Variants in NUTM1 observed in about 807,000 individuals in gnomAD.
NUTM1 encodes NUT family member 1.
A neutral mutation model predicts 88.7 loss-of-function variants in NUTM1; 39 were observed. The ratio of observed to expected loss-of-function variants is 0.44; its 90% CI spans 0.34 to 0.57. The LOEUF is 0.57. Among genes scored for constraint, NUTM1 ranks in the 20% least tolerant of loss-of-function variants. The pLI is 0.01. For missense variants in NUTM1, 1,350 were observed against 1,414.5 expected, an observed-to-expected ratio of 0.95 and a Z score of 0.73; for synonymous variants, 494 against 538.0, an observed-to-expected ratio of 0.92 and a Z score of 1.13.
Position 34,357,212 on chromosome 15 carries a change from C to A in NUTM1, c.3204C>A (p.His1068Gln). 1 of 1,614,192 alleles carries A rather than the reference C, an allele frequency of 6.2e-7. No individual in the cohort carries two copies. The highest frequency in any genetic ancestry group is 8.5e-7 in the Non-Finnish European group (1 of 1,180,036). Residue 1068 changes from histidine (H) to glutamine (Q), a missense_variant, in exon 8 of 8, where the codon CAC (histidine) becomes CAA (glutamine). Physicochemically the swap from His to Gln is conservative, Grantham distance 24. This residue lies in a region of NUTM1 where 730 missense variants were observed against 728.8 expected (regional missense o/e 1.00). Coordinates refer to ENST00000537011, the MANE Select transcript of NUTM1 (RefSeq NM_001284292.2). ...LSPREHPLSPHHASGGQGSQR... is the reference protein window; with the variant it reads ...LSPREHPLSPQHASGGQGSQR... ...CAAGGGAGCATCCCCTCAGTCCTCA[C>A]CATGCCTCAGGAGGTCAGGGCAGCC...
rs1890822049 is a variant in NUTM1, at chr15:34,356,786, A to G, written c.2778A>G (p.Ile926Met). The G allele has an allele frequency of 6.2e-7, 1 of 1,612,016 alleles. No homozygotes were observed. The highest frequency in any genetic ancestry group is 8.5e-7 in the Non-Finnish European group (1 of 1,179,584). ...CCTTTTCTCCTCTGTTGGAAACCAT[A>G]GAACCTGTCAACATACTAGATGTTA... ...GNSFSPLLET[I>M]EPVNILDVKD... The change falls in exon 8 of 8, where the codon ATA becomes ATG. Residue 926 changes from isoleucine to methionine, a missense_variant. Physicochemically the swap from Ile to Met is conservative, Grantham distance 10. This residue lies in a region of NUTM1 where 730 missense variants were observed against 728.8 expected (regional missense o/e 1.00). Coordinates refer to ENST00000537011, the MANE Select transcript of NUTM1 (RefSeq NM_001284292.2).
chr15:34,356,954 G>A lies in NUTM1; in HGVS notation c.2946G>A (p.Glu982=), dbSNP rs1890827408. Residue 982 remains glutamate (E), a synonymous_variant, in exon 8 of 8, where the codon GAG becomes GAA. Transcript: ENST00000537011. The stretch of plus-strand genomic sequence containing the variant: ...TTGCTCCTTTACAAGAGAGTCAGGA[G>A]TCTTACACAACTGGGACTCCCAAAG... ...KNLAPLQESQ[E]SYTTGTPKAT... 1 of 1,613,778 alleles carries A rather than the reference G, an allele frequency of 6.2e-7. No homozygotes were observed. The highest frequency in any genetic ancestry group is 1.3e-5 in the African/African-American group (1 of 74,802).
chr15:34,354,409 T>C, intron 5 of NUTM1, 37 bp from the exon 6 acceptor site: 1 of 1,603,164 alleles, frequency 6.2e-7, no homozygotes, highest in Non-Finnish European at 8.5e-7. Flanking sequence ...GTGGTTTCTG[T>C]GCTACTTCCC....
At chr15:34,346,117 T>A in intron 2 of NUTM1, 82 bp downstream of exon 2, 1 of 1,391,844 alleles carries the variant, frequency 7.2e-7, no homozygotes. Context: ...CCTAAAGGAA[T>A]GTGAGGTGCT....
rs746450469 is a variant in NUTM1 at position 34,357,517 on chromosome 15, C to T, written c.*26C>T. 1.9e-6 allele frequency: 3 copies of T among 1,612,366 alleles called. No individual in the cohort carries two copies. The highest frequency in any genetic ancestry group is 1.1e-5 in the South Asian group (1 of 90,870). ...GGAGCAGCGGGACCATCTGACCCCA[C>T]TTGCCAGTCCCTAAAGGTGGGTGCC... On this transcript the variant is annotated 3_prime_UTR_variant, in exon 8 of 8. Coordinates refer to ENST00000537011, the MANE Select transcript of NUTM1 (RefSeq NM_001284292.2).
At chr15:34,351,643 G>A (rs191787737) in intron 4 of NUTM1, among the ~76,000 whole-genome samples, 2 of 152,246 alleles carry the variant, frequency 1.3e-5, no homozygotes, top group African/African-American at 4.8e-5. Flanking sequence ...CAATGAGGAG[G>A]TGTGCTCTAC....
chr15:34,344,996 T>C (rs1187757727), intron 1 of NUTM1, among the ~76,000 whole-genome samples: 3 of 151,800 alleles, frequency 2.0e-5, no homozygotes, highest in Non-Finnish European at 4.4e-5. Context: ...ACAGCCTGGG[T>C]GACAGAGCGA....
chr15:34,351,352 A>C (rs1890705916), intron 4 of NUTM1, among the ~76,000 whole-genome samples: 1 of 148,166 alleles, frequency 6.7e-6, no homozygotes, highest in Non-Finnish European at 1.5e-5. Context: ...GTTCAAGACC[A>C]GCCTGGACAA....
intron 3 of NUTM1, among the ~76,000 whole-genome samples, chr15:34,350,371 T>G (rs1890682769): frequency 6.6e-6 from 1 of 152,260 alleles, no homozygotes; most frequent in Admixed American, 6.5e-5. Flanking sequence ...TCCCATTCAT[T>G]TAATAACGCG....
At chr15:34,345,786 T>G in intron 1 of NUTM1, 156 bp from the exon 2 acceptor site, 1 of 1,068,154 alleles carries the variant, frequency 9.4e-7, no homozygotes, top group Non-Finnish European at 1.3e-6. Context: ...TTTTCATACT[T>G]ACTAGAACCC....
rs1890782652 is a variant in NUTM1, at chr15:34,355,385, T to C, written c.1480-103T>C. 8.7e-7 allele frequency: 1 copy of C among 1,153,492 alleles called. No homozygotes were observed. The highest frequency in any genetic ancestry group is 1.3e-6 in the Non-Finnish European group (1 of 789,222). The allele number at this position is 1,153,492 out of a possible 1,614,324, so 71.5% of individuals were successfully genotyped here. On this transcript the variant is annotated intron_variant, in intron 7 of 7. Coordinates refer to ENST00000537011, the MANE Select transcript of NUTM1 (RefSeq NM_001284292.2). This position sits in a 1 kb window ranked among gnomAD's most constrained non-coding sequence, Gnocchi z 4.3. ...TCTTTGCTACCATCGCTTAAACTAC[T>C]TGCTTGCCTTCCTTGCCCTGCCCAA... is the stretch of plus-strand genomic sequence containing the variant.
At position 34,348,013 on chromosome 15, in the gene NUTM1, G is replaced by A. The variant is rs1216220737; in HGVS notation, c.145G>A (p.Ala49Thr). ...GGATATGAGCATGAAACCTAGTGCC[G>A]CCCCGTCTCCATCCCCTGCACTTCC... ...GPDMSMKPSA[A>T]PSPSPALPFL... is the part of the protein sequence containing the mutation. The change falls in exon 3 of 8, where the codon GCC (alanine) becomes ACC (threonine). Residue 49 changes from alanine to threonine, a missense_variant. Around this residue, in one of 5 missense-constraint regions of NUTM1, gnomAD observed 399 missense variants for 397.9 expected, o/e 1.00. Transcript: ENST00000537011. 11 of 1,613,322 alleles carry A rather than the reference G, an allele frequency of 6.8e-6. No individual in the cohort carries two copies. Among genetic ancestry groups the A allele is most frequent in the East Asian group, 4.5e-5 (2 of 44,870 alleles).
intron 3 of NUTM1, among the ~76,000 whole-genome samples, chr15:34,350,379 G>A (rs966233889): frequency 2.0e-5 from 3 of 152,192 alleles, no homozygotes; most frequent in South Asian, 2.1e-4. Flanking sequence ...ATTTAATAAC[G>A]CGAGTCCTCC....
rs147664190 is a variant in NUTM1, at chr15:34,355,112, A to G, written c.1454A>G (p.Gln485Arg). The G allele has an allele frequency of 3.3e-4, 540 of 1,612,186 alleles. No individual in the cohort carries two copies. Among genetic ancestry groups the G allele is most frequent in the East Asian group, 3.8e-4 (17 of 44,892 alleles). ...DPLALIEELEQEEGLTLAQLV... is the reference protein window; with the variant it reads ...DPLALIEELEREEGLTLAQLV... ...TTGGCCTTAATTGAGGAGCTAGAGC[A>G]AGAAGAAGGACTCACTCTTGCCCAG... The change falls in exon 7 of 8, where the codon CAA (glutamine) becomes CGA (arginine). Residue 485 changes from glutamine (Q) to arginine (R), a missense_variant. Coordinates refer to ENST00000537011, the MANE Select transcript of NUTM1 (RefSeq NM_001284292.2). This position sits in a 1 kb window ranked among gnomAD's most constrained non-coding sequence, Gnocchi z 4.3.
Position 34,348,007 on chromosome 15 carries a change from A to G in NUTM1, c.139A>G (p.Ser47Gly), listed in dbSNP as rs1595608905. 1 of 1,613,294 alleles carries G rather than the reference A, an allele frequency of 6.2e-7. No individual in the cohort carries two copies. The highest frequency in any genetic ancestry group is 8.5e-7 in the Non-Finnish European group (1 of 1,179,622). ...GGGACCGGATATGAGCATGAAACCT[A>G]GTGCCGCCCCGTCTCCATCCCCTGC... Reference protein sequence around the residue: ...LPGPDMSMKPSAAPSPSPALP... With the variant: ...LPGPDMSMKPGAAPSPSPALP... Residue 47 changes from serine (S) to glycine (G), a missense_variant, in exon 3 of 8, where the codon AGT (serine) becomes GGT (glycine). By Grantham distance (56) the Ser-to-Gly change is moderately conservative. Around this residue, in one of 5 missense-constraint regions of NUTM1, gnomAD observed 399 missense variants for 397.9 expected, o/e 1.00. Transcript: ENST00000537011.
At chr15:34,352,724 T>G (rs895665933) in intron 4 of NUTM1, among the ~76,000 whole-genome samples, 7 of 150,334 alleles carry the variant, frequency 4.7e-5, no homozygotes, top group African/African-American at 1.7e-4. Context: ...GAGAATCACT[T>G]GAACCCGGGA....
At chr15:34,354,400 T>G (rs1890760849) in intron 5 of NUTM1, 46 bp from the exon 6 acceptor site, 1 of 1,575,088 alleles carries the variant, frequency 6.3e-7, no homozygotes, top group South Asian at 1.1e-5. Context: ...GCAGAATCTG[T>G]GGTTTCTGTG....
At chr15:34,347,932 C>G (rs1229564731) in intron 2 of NUTM1, 37 bp from the exon 3 acceptor site, 2 of 1,336,576 alleles carry the variant, frequency 1.5e-6, no homozygotes, top group Non-Finnish European at 2.1e-6. Context: ...GTCTTCTTTT[C>G]TCCTACTCCA....
At position 34,355,821 on chromosome 15, in the gene NUTM1, G is replaced by T; in HGVS notation, c.1813G>T (p.Gly605Ter). Residue 605 changes from glycine to a stop codon, truncating the protein, a stop_gained, in exon 8 of 8, where the codon GGA (glycine) becomes TGA (stop). Transcript: ENST00000537011. LOFTEE classifies it high-confidence loss of function. The surrounding 1 kb of genome is among the most constrained non-coding windows in gnomAD (Gnocchi z 4.3). ...PELAAPQGTP[G>*]PLGVERRGSG... is the part of the protein sequence containing the mutation. ...ACTTGCAGCTCCACAGGGAACTCCG[G>T]GACCCTTGGGTGTGGAGAGGAGAGG... is the stretch of plus-strand genomic sequence containing the variant. 1 of 1,614,192 alleles carries T rather than the reference G, an allele frequency of 6.2e-7. No homozygotes were observed. The highest frequency in any genetic ancestry group is 8.5e-7 in the Non-Finnish European group (1 of 1,180,040).
Sources: allele counts gnomAD v4.1 joint callset (sites outside exome capture counted in the v4.1 genomes callset), GRCh38; gene constraint gnomAD v4.1.1; regional missense constraint gnomAD v4.1.1; non-coding constraint Gnocchi (gnomAD v3.1); transcripts MANE v1.5; gene names NCBI Gene and HGNC (gene_info 2026-07-23, HGNC 2026-07-21).